Variants in APBB2 observed in about 807,000 individuals in gnomAD.
APBB2 encodes amyloid beta precursor protein binding family B member 2, also known as Fe65-like 1.
A neutral mutation model predicts 82.5 loss-of-function variants in APBB2; 38 were observed. That is an observed-to-expected ratio of 0.46 (90% CI 0.36 to 0.60). APBB2 has a LOEUF of 0.60. Among genes scored for constraint, APBB2 ranks in the 20% least tolerant of loss-of-function variants. APBB2 has a pLI of 0.00. For missense variants in APBB2, 772 were observed against 972.3 expected, an observed-to-expected ratio of 0.79 and a Z score of 2.74; for synonymous variants, 341 against 368.2, an observed-to-expected ratio of 0.93 and a Z score of 0.85.
At chr4:40,845,163 C>A (rs1446623909) in intron 12 of APBB2, among the ~76,000 whole-genome samples, 1 of 152,162 alleles carries the variant, frequency 6.6e-6, no homozygotes, top group Non-Finnish European at 1.5e-5. Flanking sequence ...AAAGTGAAAA[C>A]CAGCCATAAA....
rs182163671 is a variant in APBB2 at position 40,968,925 on chromosome 4, T to C, written c.836-23852A>G. ...TGAATCATGGGGGAGGTTTCCCCCA[T>C]ACTGTTCTCATGGTGGTCAGTAAGT... On this transcript the variant is annotated intron_variant, in intron 6 of 17. Transcript: ENST00000508593. 1.3e-3 allele frequency among the ~76,000 whole-genome samples: 197 copies of C among 152,306 alleles called. 1 individual carries two copies. Among genetic ancestry groups the C allele is most frequent in the African/African-American group, 4.5e-3 (185 of 41,570 alleles).
chr4:40,822,038 C>T lies in APBB2; in HGVS notation c.1945G>A (p.Val649Ile). 2.5e-6 allele frequency: 4 copies of T among 1,614,204 alleles called. No homozygotes were observed. Among genetic ancestry groups the T allele is most frequent in the Non-Finnish European group, 3.4e-6 (4 of 1,180,030 alleles). ...AATCGCACACGACATTCCACTAAGACTTCCTCTTCATTCTGCAAGAGACAT... is the reference window on the plus strand; with the variant it reads ...AATCGCACACGACATTCCACTAAGATTTCCTCTTCATTCTGCAAGAGACAT... ...TVISEKNEEE[V>I]LVECRVRFLS... Residue 649 changes from valine (V) to isoleucine (I), a missense_variant, in exon 17 of 18, where the codon GTC (valine) becomes ATC (isoleucine). Val to Ile is a conservative substitution (Grantham distance 29). Coordinates refer to ENST00000508593, the MANE Select transcript of APBB2 (RefSeq NM_004307.2).
At chr4:41,079,235 T>C (rs1736678147) in intron 3 of APBB2, among the ~76,000 whole-genome samples, 1 of 152,236 alleles carries the variant, frequency 6.6e-6, no homozygotes, top group South Asian at 2.1e-4. Flanking sequence ...TTAGTGCCTG[T>C]TCTTTCCCCC....
intron 12 of APBB2, among the ~76,000 whole-genome samples, chr4:40,856,066 G>A (rs573181935): frequency 2.0e-5 from 3 of 151,912 alleles, no homozygotes; most frequent in African/African-American, 7.2e-5. Context: ...CTGGAGGAAG[G>A]GCCAACTGCT....
intron 10 of APBB2, among the ~76,000 whole-genome samples, chr4:40,897,614 G>A (rs1774032946): frequency 6.6e-6 from 1 of 152,122 alleles, no homozygotes; most frequent in African/African-American, 2.4e-5. Flanking sequence ...GGGTAACCCT[G>A]CTCTTGTTTT....
chr4:41,032,865 A>C (rs562574497), intron 5 of APBB2, among the ~76,000 whole-genome samples: 1 of 132,708 alleles, frequency 7.5e-6, no homozygotes, highest in South Asian at 2.6e-4. Context: ...ACTCACTGCA[A>C]GCTCCGCCTC....
chr4:40,981,614 T>C (rs1372680137), intron 6 of APBB2, among the ~76,000 whole-genome samples: 1 of 152,126 alleles, frequency 6.6e-6, no homozygotes, highest in Non-Finnish European at 1.5e-5. Context: ...CTGTGATTAG[T>C]TCATTTGGGT....
intron 6 of APBB2, among the ~76,000 whole-genome samples, chr4:40,980,937 A>T (rs959505848): frequency 2.6e-5 from 4 of 152,202 alleles, no homozygotes; most frequent in African/African-American, 9.6e-5. Context: ...ATTCTTGTTA[A>T]CAATGAAGAT....
At chr4:41,098,017 C>G (rs1349221552) in intron 3 of APBB2, among the ~76,000 whole-genome samples, 2 of 151,764 alleles carry the variant, frequency 1.3e-5, no homozygotes, top group Non-Finnish European at 2.9e-5. Context: ...TCCCCCCTCC[C>G]CTCCCGTCCC....
At chr4:40,821,837 G>C in intron 17 of APBB2, 34 bp downstream of exon 17, 2 of 1,605,624 alleles carry the variant, frequency 1.2e-6, no homozygotes, top group Middle Eastern at 2.2e-4. Flanking sequence ...AGCAGAGGCG[G>C]GAGGGCTCAA....
chr4:41,034,606 T>TG (rs1053010891), intron 4 of APBB2, among the ~76,000 whole-genome samples: 1 of 152,240 alleles, frequency 6.6e-6, no homozygotes, highest in African/African-American at 2.4e-5. Context: ...ATTACAGGTG[T>TG]GAGTCACGAC....
At chr4:40,828,279 T>C (rs531911220) in intron 13 of APBB2, among the ~76,000 whole-genome samples, 7 of 152,346 alleles carry the variant, frequency 4.6e-5, no homozygotes, top group African/African-American at 1.7e-4. Context: ...AAGCACTTTA[T>C]ACTCCTGTTC....
chr4:40,831,926 CTG>C (rs770922230), intron 12 of APBB2, among the ~76,000 whole-genome samples: 2 of 151,980 alleles, frequency 1.3e-5, no homozygotes, highest in Non-Finnish European at 2.9e-5. Context: ...TGCGATACGA[CTG>C]TATTTCTCAA....
intron 12 of APBB2, among the ~76,000 whole-genome samples, chr4:40,879,311 G>C (rs1174155803): frequency 1.3e-5 from 2 of 152,018 alleles, no homozygotes; most frequent in African/African-American, 4.8e-5. Flanking sequence ...AAAGGCTCAA[G>C]GCTAGCTGAA....
intron 1 of APBB2, among the ~76,000 whole-genome samples, chr4:41,157,184 T>C (rs1763691773): frequency 6.6e-6 from 1 of 152,168 alleles, no homozygotes; most frequent in Non-Finnish European, 1.5e-5. Context: ...TGGCGATTTC[T>C]ATCGTCTTGC....
intron 4 of APBB2, among the ~76,000 whole-genome samples, chr4:41,057,822 G>A (rs949164144): frequency 6.6e-6 from 1 of 152,180 alleles, no homozygotes; most frequent in South Asian, 2.1e-4. Context: ...GCTCGCAGAA[G>A]ATAGGTCTTA....
intron 3 of APBB2, among the ~76,000 whole-genome samples, chr4:41,085,266 A>T (rs1739235167): frequency 6.6e-6 from 1 of 151,800 alleles, no homozygotes; most frequent in Non-Finnish European, 1.5e-5. Context: ...AAAAAAAAAA[A>T]AAAGACTGAA....
intron 2 of APBB2, chr4:41,138,012 C>CA (rs1442220344): frequency 2.6e-5 from 4 of 152,006 alleles, no homozygotes; most frequent in African/African-American, 9.7e-5. Context: ...ATCAAAAATA[C>CA]AAAAAATTAG....
intron 1 of APBB2, among the ~76,000 whole-genome samples, chr4:41,158,786 C>CCTA (rs1560909065): frequency 6.6e-6 from 1 of 152,140 alleles, no homozygotes; most frequent in African/African-American, 2.4e-5. Flanking sequence ...CGATTGAGCA[C>CCTA]CTACTACATG....
Sources: gnomAD v4.1 joint callset for allele counts (sites outside exome capture counted in the v4.1 genomes callset) on GRCh38, gnomAD v4.1.1 for gene constraint, MANE v1.5 for transcripts, NCBI Gene and HGNC (gene_info 2026-07-23, HGNC 2026-07-21) for gene names.